The following EFHB variants were observed in gnomAD, a reference collection of about 807,000 sequenced individuals.
The protein encoded by EFHB is EF-hand domain family member B.
A neutral mutation model predicts 87.2 loss-of-function variants in EFHB; 91 were observed. The observed-to-expected ratio is 1.04, with a 90% CI of 0.88 to 1.24. The LOEUF (loss-of-function observed/expected upper bound fraction) is 1.24, where lower values mean the gene tolerates loss of function less well. Among genes scored for constraint, EFHB ranks in the 50% most tolerant of loss-of-function variants. EFHB has a pLI of 0.00. For synonymous variants in EFHB, 325 were observed against 333.6 expected, an observed-to-expected ratio of 0.97 and a Z score of 0.28; for missense variants, 1,084 against 998.8, an observed-to-expected ratio of 1.09 and a Z score of -1.15.
At chr3:19,904,861 C>G (rs1366445434) in intron 6 of EFHB, among the ~76,000 whole-genome samples, 1 of 152,074 alleles carries the variant, frequency 6.6e-6, no homozygotes, top group Non-Finnish European at 1.5e-5. Context: ...GTACCAGTAT[C>G]CACAATCTTC....
chr3:19,924,883 A>G (rs979730300), intron 1 of EFHB, among the ~76,000 whole-genome samples: 1 of 152,168 alleles, frequency 6.6e-6, no homozygotes, highest in African/African-American at 2.4e-5. Context: ...ATAAAAAAAA[A>G]GAAATAAAGA....
At chr3:19,899,127 A>G (rs771164733) in intron 7 of EFHB, among the ~76,000 whole-genome samples, 5 of 152,188 alleles carry the variant, frequency 3.3e-5, no homozygotes, top group Non-Finnish European at 5.9e-5. Flanking sequence ...AGAGAGCAAG[A>G]CAGACAGACA....
intron 6 of EFHB, among the ~76,000 whole-genome samples, chr3:19,901,778 C>T (rs1161769777): frequency 6.6e-6 from 1 of 152,048 alleles, no homozygotes; most frequent in Non-Finnish European, 1.5e-5. Context: ...GGCAAAACCC[C>T]ATCTCTACTA....
intron 8 of EFHB, among the ~76,000 whole-genome samples, chr3:19,898,403 C>T (rs1378545581): frequency 2.0e-5 from 3 of 152,156 alleles, no homozygotes; most frequent in African/African-American, 4.8e-5. Context: ...CAGGGGATGC[C>T]AATACTGGCA....
chr3:19,898,792 C>G lies in EFHB; in HGVS notation c.1556G>C (p.Arg519Pro). ...PPDCTFGACLRPEEYGVGDLI... is the reference protein window; with the variant it reads ...PPDCTFGACLPPEEYGVGDLI... The stretch of plus-strand genomic sequence containing the variant: ...TGTATATTTACCATATTCCTCAGGA[C>G]GGAGACAAGCTCCAAATGTGCAGTC... Residue 519 changes from arginine to proline, a missense_variant, in exon 8 of 13, where the codon CGT (arginine) becomes CCT (proline). Coordinates refer to ENST00000295824, the MANE Select transcript of EFHB (RefSeq NM_144715.4). The G allele has an allele frequency of 6.2e-7, 1 of 1,613,692 alleles. No individual in the cohort carries two copies. Among genetic ancestry groups the G allele is most frequent in the South Asian group, 1.1e-5 (1 of 90,986 alleles).
chr3:19,910,360 C>A (rs1695012476), intron 5 of EFHB, among the ~76,000 whole-genome samples: 1 of 152,064 alleles, frequency 6.6e-6, no homozygotes, highest in South Asian at 2.1e-4. Flanking sequence ...AGTGAGGTTC[C>A]TCTGTCTTTG....
At chr3:19,900,666 T>C (rs961573779) in intron 6 of EFHB, among the ~76,000 whole-genome samples, 1 of 152,116 alleles carries the variant, frequency 6.6e-6, no homozygotes, top group East Asian at 1.9e-4. Context: ...CGGTGGCTCA[T>C]ACCTGTAATC....
chr3:19,900,754 C>A (rs541555747), intron 6 of EFHB, among the ~76,000 whole-genome samples: 19 of 151,994 alleles, frequency 1.3e-4, no homozygotes, highest in African/African-American at 4.6e-4. Context: ...CATGGTGAAA[C>A]CCCATCTCTA....
exon 1 of EFHB, chr3:19,946,939 A>C (rs1189386515): frequency 6.6e-6 from 1 of 152,468 alleles, no homozygotes; most frequent in African/African-American, 2.4e-5. Context: ...GGAAGGGGAG[A>C]AAGGCGGCCA....
At chr3:19,940,348 C>T (rs1400318238) in intron 1 of EFHB, 12 of 358,164 alleles carry the variant, frequency 3.4e-5, no homozygotes, top group South Asian at 2.0e-4. Flanking sequence ...TCCTCCTGCA[C>T]TCTGCTAGAG....
At chr3:19,940,774 CT>C (rs34659699) in intron 1 of EFHB, 63,046 of 353,694 alleles carry the variant, frequency 0.18, 6,902 homozygotes, top group Non-Finnish European at 0.23. Flanking sequence ...TGAGGAACAC[CT>C]TGGAGTGCCA....
intron 1 of EFHB, among the ~76,000 whole-genome samples, chr3:19,939,674 G>A (rs892373849): frequency 7.9e-5 from 12 of 152,068 alleles, no homozygotes; most frequent in East Asian, 1.9e-4. Flanking sequence ...GTGAACCACC[G>A]CACCCGCCCA....
intron 1 of EFHB, among the ~76,000 whole-genome samples, chr3:19,927,593 G>A (rs1026263329): frequency 6.6e-6 from 1 of 152,060 alleles, no homozygotes; most frequent in Admixed American, 6.6e-5. Flanking sequence ...GCTCTTCCTC[G>A]CTCAAAACTG....
intron 10 of EFHB, among the ~76,000 whole-genome samples, chr3:19,886,113 C>T (rs1694091901): frequency 6.6e-6 from 1 of 152,188 alleles, no homozygotes; most frequent in Non-Finnish European, 1.5e-5. Context: ...CTGAAATAAG[C>T]TTTTGCTTTC....
chr3:19,918,875 G>C (rs1185302485), intron 3 of EFHB, among the ~76,000 whole-genome samples: 2 of 150,784 alleles, frequency 1.3e-5, no homozygotes, highest in Admixed American at 1.3e-4. Flanking sequence ...AGCTACTCAG[G>C]AGTCTGAGGC....
At chr3:19,942,738 T>A (rs968183824) in intron 1 of EFHB, among the ~76,000 whole-genome samples, 2 of 152,054 alleles carry the variant, frequency 1.3e-5, no homozygotes, top group African/African-American at 2.4e-5. Flanking sequence ...AAGTGCTAGA[T>A]CCCTTGTGTG....
intron 9 of EFHB, among the ~76,000 whole-genome samples, chr3:19,894,132 T>C (rs551657390): frequency 6.6e-6 from 1 of 152,238 alleles, no homozygotes; most frequent in Non-Finnish European, 1.5e-5. Flanking sequence ...GAGTTTATCA[T>C]AGTACTTGGG....
chr3:19,905,888 G>A, intron 5 of EFHB, 139 bp from the exon 6 acceptor site: 1 of 1,060,640 alleles, frequency 9.4e-7, no homozygotes, highest in Non-Finnish European at 1.3e-6. Flanking sequence ...AAACTGCACA[G>A]ATTTAGCTAC....
intron 1 of EFHB, among the ~76,000 whole-genome samples, chr3:19,924,730 G>T (rs1695558796): frequency 6.6e-6 from 1 of 151,972 alleles, no homozygotes; most frequent in African/African-American, 2.4e-5. Flanking sequence ...TGTTCATATT[G>T]TACTTGCCTG....
Sources: allele counts gnomAD v4.1 joint callset (sites outside exome capture counted in the v4.1 genomes callset), GRCh38; gene constraint gnomAD v4.1.1; transcripts MANE v1.5; gene names NCBI Gene and HGNC (gene_info 2026-07-23, HGNC 2026-07-21).